ZNRF3: variants seen among roughly 807,000 people sequenced by gnomAD.
ZNRF3 encodes the protein E3 ubiquitin-protein ligase ZNRF3.
ZNRF3 carries 23 observed loss-of-function variants against 72.5 expected under a neutral mutation model. That is an observed-to-expected ratio of 0.32 (90% CI 0.23 to 0.45). ZNRF3 has a LOEUF of 0.45. Ranked by LOEUF, ZNRF3 falls within the 20% of genes least tolerant of loss-of-function variation. The pLI, the probability that ZNRF3 is intolerant of heterozygous loss-of-function variation, is 1.00. For missense variants in ZNRF3, 1,169 were observed against 1,272.1 expected (o/e 0.92, Z 1.23); for synonymous variants, 610 against 545.3 (o/e 1.12, Z -1.65).
At chr22:28,900,933 G>C (rs938272284) in intron 1 of ZNRF3, among the ~76,000 whole-genome samples, 3 of 151,842 alleles carry the variant, frequency 2.0e-5, no homozygotes, top group African/African-American at 7.3e-5. Flanking sequence ...TAGCGAGACT[G>C]TTCCTACAAC....
chr22:28,938,366 A>C (rs1414720132), intron 1 of ZNRF3, among the ~76,000 whole-genome samples: 1 of 152,006 alleles, frequency 6.6e-6, no homozygotes, highest in Admixed American at 6.6e-5. Context: ...ATTAAAGGTG[A>C]GGTCTGGCAC....
intron 1 of ZNRF3, among the ~76,000 whole-genome samples, chr22:28,914,554 C>T (rs542761842): frequency 6.7e-6 from 1 of 148,740 alleles, no homozygotes; most frequent in South Asian, 2.1e-4. Context: ...GTGGCTCACG[C>T]CTATAATTCC....
chr22:29,001,328 T>G (rs917198298), intron 2 of ZNRF3, among the ~76,000 whole-genome samples: 1 of 151,928 alleles, frequency 6.6e-6, no homozygotes, highest in Non-Finnish European at 1.5e-5. Context: ...TTCCTTTTAT[T>G]ATTGAGTTTA....
chr22:29,019,915 A>G (rs2036499530), intron 2 of ZNRF3, among the ~76,000 whole-genome samples: 1 of 152,086 alleles, frequency 6.6e-6, no homozygotes, highest in South Asian at 2.1e-4. Context: ...AGCATTAGCA[A>G]GTATGCACCC....
chr22:28,960,308 G>A (rs1230387829), intron 1 of ZNRF3, among the ~76,000 whole-genome samples: 4 of 152,060 alleles, frequency 2.6e-5, no homozygotes, highest in African/African-American at 9.7e-5. Context: ...TAAGTGTACT[G>A]TCTCATGGGT....
In ZNRF3 at chr22:28,974,052, A is replaced by C. The variant is rs11913907; in HGVS notation, c.301-13024A>C. Among the ~76,000 whole-genome samples, 163 of 147,810 alleles carry C rather than the reference A, an allele frequency of 1.1e-3. 1 individual carries two copies. Among genetic ancestry groups the C allele is most frequent in the African/African-American group, 3.9e-3 (155 of 39,950 alleles). ...GGCTCACTGCAAGCTCCACCTTCCG[A>C]GTTCACGCCATCCTCCCGCCTCAGC... On this transcript the variant is annotated intron_variant, in intron 1 of 8. Coordinates refer to ENST00000544604, the MANE Select transcript of ZNRF3 (RefSeq NM_001206998.2).
At chr22:28,902,697 T>C (rs748894641) in intron 1 of ZNRF3, among the ~76,000 whole-genome samples, 6 of 152,226 alleles carry the variant, frequency 3.9e-5, no homozygotes, top group Non-Finnish European at 8.8e-5. Context: ...TGTGGAAAGA[T>C]GGCTTTGCCT....
At chr22:29,046,930 G>A in intron 6 of ZNRF3, 47 bp downstream of exon 6, 1 of 1,448,014 alleles carries the variant, frequency 6.9e-7, no homozygotes, top group African/African-American at 1.4e-5. Flanking sequence ...ACATAGGCAG[G>A]TCAGCAGAGG....
chr22:28,944,097 A>T (rs993169741), intron 1 of ZNRF3, among the ~76,000 whole-genome samples: 1 of 152,096 alleles, frequency 6.6e-6, no homozygotes, highest in Non-Finnish European at 1.5e-5. Flanking sequence ...AATCATTTTT[A>T]TAAAAAGATA....
At chr22:28,985,813 G>A (rs1412905155) in intron 1 of ZNRF3, among the ~76,000 whole-genome samples, 1 of 152,232 alleles carries the variant, frequency 6.6e-6, no homozygotes, top group Non-Finnish European at 1.5e-5. Flanking sequence ...AAACTTAGTG[G>A]CTTAAAGCAA....
intron 2 of ZNRF3, among the ~76,000 whole-genome samples, chr22:29,004,270 C>T (rs1403847695): frequency 3.3e-5 from 5 of 152,206 alleles, no homozygotes; most frequent in African/African-American, 1.2e-4. Flanking sequence ...GAGGATCTTT[C>T]CTCCTTAACA....
chr22:28,996,323 C>G (rs1478776427), intron 2 of ZNRF3, among the ~76,000 whole-genome samples: 1 of 152,228 alleles, frequency 6.6e-6, no homozygotes, highest in Non-Finnish European at 1.5e-5. Flanking sequence ...CCAGGGACAT[C>G]ATTGTGTGTA....
intron 2 of ZNRF3, among the ~76,000 whole-genome samples, chr22:28,993,222 A>C (rs1157847419): frequency 2.6e-5 from 4 of 152,350 alleles, no homozygotes; most frequent in Admixed American, 1.3e-4. Flanking sequence ...TGAGGAACCC[A>C]GTGGAACCAG....
intron 2 of ZNRF3, among the ~76,000 whole-genome samples, chr22:29,036,532 G>A (rs12157834): frequency 6.6e-6 from 1 of 152,086 alleles, no homozygotes; most frequent in African/African-American, 2.4e-5. Flanking sequence ...GCCTAACCCA[G>A]AAATTAAATC....
chr22:29,049,474 C>G lies in ZNRF3; in HGVS notation c.1293C>G (p.His431Gln). 1 of 1,604,986 alleles carries G rather than the reference C, an allele frequency of 6.2e-7. No homozygotes were observed. Among genetic ancestry groups the G allele is most frequent in the Non-Finnish European group, 8.5e-7 (1 of 1,179,742 alleles). The change falls in exon 8 of 9, where the codon CAC (histidine) becomes CAG (glutamine). Residue 431 changes from histidine to glutamine, a missense_variant. This residue lies in a region of ZNRF3 where 783 missense variants were observed against 731.4 expected (regional missense o/e 1.07). Coordinates refer to ENST00000544604, the MANE Select transcript of ZNRF3 (RefSeq NM_001206998.2). This position sits in a 1 kb window ranked among gnomAD's most constrained non-coding sequence, Gnocchi z 5.2. Reference sequence around the variant, plus strand: ...ACCTGGACCACAGCCTGGCCGCTCACCGCTGCGGCCTGGAGCACCGGGCCT... The same window carrying G: ...ACCTGGACCACAGCCTGGCCGCTCAGCGCTGCGGCCTGGAGCACCGGGCCT... The part of the protein sequence containing the change: ...PLHLDHSLAA[H>Q]RCGLEHRAYS...
Position 28,951,520 on chromosome 22 carries a change from A to T in ZNRF3, c.301-35556A>T, listed in dbSNP as rs537612221. On this transcript the variant is annotated intron_variant, in intron 1 of 8. Coordinates refer to ENST00000544604, the MANE Select transcript of ZNRF3 (RefSeq NM_001206998.2). ...AAGCTAGGGGAGAGGTGTGGAACAG[A>T]TTCCCTCATAGCCCCCATAAGGAAT... Among the ~76,000 whole-genome samples the T allele has an allele frequency of 1.1e-4, 17 of 152,306 alleles. No individual in the cohort carries two copies. In the South Asian group the frequency reaches 2.7e-3, roughly 24 times the overall value.
intron 1 of ZNRF3, among the ~76,000 whole-genome samples, chr22:28,970,904 G>A (rs2035562419): frequency 1.3e-5 from 2 of 152,176 alleles, no homozygotes. Flanking sequence ...AACTTTCTGG[G>A]GTGATGAAAA....
At chr22:29,001,311 C>T (rs1321624077) in intron 2 of ZNRF3, among the ~76,000 whole-genome samples, 1 of 151,256 alleles carries the variant, frequency 6.6e-6, no homozygotes, top group Non-Finnish European at 1.5e-5. Flanking sequence ...TTTTAATTGG[C>T]GAATTTTTCC....
At chr22:28,956,864 A>G (rs1012954547) in intron 1 of ZNRF3, among the ~76,000 whole-genome samples, 8 of 152,208 alleles carry the variant, frequency 5.3e-5, no homozygotes, top group Non-Finnish European at 1.2e-4. Flanking sequence ...ATTCTGGAGG[A>G]AAAATAAGGC....
Sources: allele counts gnomAD v4.1 joint callset (sites outside exome capture counted in the v4.1 genomes callset), GRCh38; gene constraint gnomAD v4.1.1; regional missense constraint gnomAD v4.1.1; non-coding constraint Gnocchi (gnomAD v3.1); transcripts MANE v1.5; gene names NCBI Gene and HGNC (gene_info 2026-07-23, HGNC 2026-07-21).